CYP24A1: variants seen among roughly 807,000 people sequenced by gnomAD.
CYP24A1 encodes the protein 1,25-dihydroxyvitamin D(3) 24-hydroxylase, mitochondrial.
Under a neutral mutation model 62.4 loss-of-function variants are expected in CYP24A1, and 68 were observed. That is an observed-to-expected ratio of 1.09 (90% confidence interval 0.90 to 1.33). The LOEUF (loss-of-function observed/expected upper bound fraction) is 1.33. Among genes scored for constraint, CYP24A1 ranks in the 40% most tolerant of loss-of-function variants. The pLI is 0.00. For missense variants in CYP24A1, 787 were observed against 653.0 expected, an observed-to-expected ratio of 1.21 and a Z score of -2.24; for synonymous variants, 267 against 253.0, an observed-to-expected ratio of 1.06 and a Z score of -0.52.
At chr20:54,149,672 T>C (rs942870898), downstream of CYP24A1, among the ~76,000 whole-genome samples, 1 of 152,176 alleles carries the variant, frequency 6.6e-6, no homozygotes, top group African/African-American at 2.4e-5. Flanking sequence ...ACACAGGGGA[T>C]GGAGTGAGGT....
downstream of CYP24A1, among the ~76,000 whole-genome samples, chr20:54,150,087 G>A (rs750116968): frequency 6.6e-6 from 1 of 152,124 alleles, no homozygotes; most frequent in Non-Finnish European, 1.5e-5. Context: ...TAAGGTCATC[G>A]CTAAGGTCTG....
rs1159938315 is a variant in CYP24A1 at position 54,171,670 on chromosome 20, C to G, written c.450G>C (p.Leu150=). Residue 150 remains leucine (L), a splice_region_variant and synonymous_variant, in exon 3 of 12, where the codon CTG becomes CTC. Coordinates refer to ENST00000216862, the MANE Select transcript of CYP24A1 (RefSeq NM_000782.5). ...GGACCCGCTGCCAGTCTTCCCCTTC[C>G]CTGTGAGAGAAGCAGGAATACATTT... The part of the protein sequence containing the change: ...YRKEGYGLLI[L]EGEDWQRVRS... 9 of 1,613,642 alleles carry G rather than the reference C, an allele frequency of 5.6e-6. No individual in the cohort carries two copies. The highest frequency in any genetic ancestry group is 7.6e-6 in the Non-Finnish European group (9 of 1,179,870).
Position 54,157,372 on chromosome 20 carries a change from C to G in CYP24A1, c.1434+16G>C, listed in dbSNP as rs374100178. The G allele has an allele frequency of 4.2e-5, 65 of 1,540,324 alleles. No homozygotes were observed. The African/African-American group carries it at 7.8e-4, about 18-fold the overall frequency. Reference sequence around the variant, plus strand: ...ACAGCACAGAACATAATTGCAGAAACCGGTAAAGGTTTTACCCAACAAAGA... The same window carrying G: ...ACAGCACAGAACATAATTGCAGAAAGCGGTAAAGGTTTTACCCAACAAAGA... On this transcript the variant is annotated intron_variant, in intron 10 of 11. Transcript: ENST00000216862.
the CYP24A1 span, among the ~76,000 whole-genome samples, chr20:54,147,130 G>A: frequency 1.3e-5 from 2 of 152,154 alleles, no homozygotes; most frequent in Admixed American, 1.3e-4. Flanking sequence ...GTTTCAGTCC[G>A]AGCCTGCTTG....
chr20:54,156,028 A>G (rs1473184811), intron 11 of CYP24A1, among the ~76,000 whole-genome samples: 1 of 152,222 alleles, frequency 6.6e-6, no homozygotes, highest in Non-Finnish European at 1.5e-5. Context: ...AAAAGTATTG[A>G]ATGGCATACT....
intron 6 of CYP24A1, among the ~76,000 whole-genome samples, chr20:54,163,843 C>T (rs2092661465): frequency 6.6e-6 from 1 of 152,168 alleles, no homozygotes; most frequent in Non-Finnish European, 1.5e-5. Flanking sequence ...AGAGACAAGG[C>T]AACTGAGGAT....
the CYP24A1 span, among the ~76,000 whole-genome samples, chr20:54,147,243 G>A: frequency 3.9e-5 from 6 of 152,300 alleles, no homozygotes; most frequent in South Asian, 4.1e-4. Flanking sequence ...GTTGGGACAG[G>A]TTATAGAAAA....
At chr20:54,156,031 G>A (rs996182410) in intron 11 of CYP24A1, among the ~76,000 whole-genome samples, 1 of 152,096 alleles carries the variant, frequency 6.6e-6, no homozygotes, top group Non-Finnish European at 1.5e-5. Flanking sequence ...AGTATTGAAT[G>A]GCATACTGCA....
chr20:54,164,412 C>T (rs577760976), intron 6 of CYP24A1, 40 bp downstream of exon 6: 6 of 1,613,594 alleles, frequency 3.7e-6, no homozygotes, highest in Middle Eastern at 1.7e-4. Context: ...CACGGGGGTG[C>T]TGGGCTGGTT....
At chr20:54,152,390 C>G (rs565826058), downstream of CYP24A1, among the ~76,000 whole-genome samples, 2 of 152,210 alleles carry the variant, frequency 1.3e-5, no homozygotes, top group African/African-American at 4.8e-5. Flanking sequence ...CAAAACCACA[C>G]GCTTGTTTGG....
rs2092702593 is a variant in CYP24A1, at chr20:54,173,499, C to T, written c.81G>A (p.Leu27=). ...QLRSPRQPPR[L]VTSTAYTSPQ... ...GGGACGTGTACGCCGTAGATGTCAC[C>T]AGTCTCGGGGGCTGCCTCGGACTGC... The change falls in exon 1 of 12, where the codon CTG becomes CTA. Residue 27 remains leucine (L), a synonymous_variant. Coordinates refer to ENST00000216862, the MANE Select transcript of CYP24A1 (RefSeq NM_000782.5). This position sits in a 1 kb window ranked among gnomAD's most constrained non-coding sequence, Gnocchi z 7.2. 1.3e-6 allele frequency: 2 copies of T among 1,567,236 alleles called. No homozygotes were observed. The highest frequency in any genetic ancestry group is 1.2e-5 in the South Asian group (1 of 85,706).
intron 4 of CYP24A1, among the ~76,000 whole-genome samples, chr20:54,168,986 GT>G (rs370457050): frequency 3.2e-4 from 49 of 151,570 alleles, no homozygotes; most frequent in African/African-American, 1.2e-3. Flanking sequence ...TAGCTTCAGC[GT>G]CCCGGGGTCA....
rs142282494 is a variant in CYP24A1 at position 54,159,014 on chromosome 20, C to G, written c.1100G>C (p.Arg367Pro). 3.1e-6 allele frequency: 5 copies of G among 1,613,978 alleles called. No individual in the cohort carries two copies. The highest frequency in any genetic ancestry group is 3.4e-6 in the Non-Finnish European group (4 of 1,180,028). ...QSVLPENQVP[R>P]AEDLRNMPYL... ...CGGCATATTCCTCAAATCTTCTGCC[C>G]GTGGCACCTGATTCTCAGGTAATAC... Residue 367 changes from arginine (R) to proline (P), a missense_variant, in exon 8 of 12, where the codon CGG (arginine) becomes CCG (proline). Coordinates refer to ENST00000216862, the MANE Select transcript of CYP24A1 (RefSeq NM_000782.5).
downstream of CYP24A1, among the ~76,000 whole-genome samples, chr20:54,151,735 T>C (rs2092612745): frequency 6.6e-6 from 1 of 152,062 alleles, no homozygotes; most frequent in Admixed American, 6.6e-5. Flanking sequence ...GCTAATTTTT[T>C]GTATTTTTAG....
chr20:54,157,963 C>T (rs2092635571), intron 9 of CYP24A1, 123 bp downstream of exon 9: 1 of 1,500,034 alleles, frequency 6.7e-7, no homozygotes, highest in Non-Finnish European at 9.0e-7. Flanking sequence ...CAACTATTCT[C>T]TACCATCTCT....
rs749949677 is a variant in CYP24A1, at chr20:54,169,661, C to A, written c.571G>T (p.Asp191Tyr). ...TGGCCTCTTTCATCACAGAGCTCAT[C>A]TATTCTGCCCATAAAATCGGCCAAG... ...EVLADFMGRIDELCDERGHVE... is the reference protein window; with the variant it reads ...EVLADFMGRIYELCDERGHVE... Residue 191 changes from aspartate (D) to tyrosine (Y), a missense_variant, in exon 4 of 12, where the codon GAT (aspartate) becomes TAT (tyrosine). Coordinates refer to ENST00000216862, the MANE Select transcript of CYP24A1 (RefSeq NM_000782.5). The A allele has an allele frequency of 9.3e-6, 15 of 1,614,080 alleles. No homozygotes were observed. The East Asian group carries it at 1.3e-4, about 14-fold the overall frequency.
chr20:54,172,770 G>A (rs914579289), intron 2 of CYP24A1, 139 bp downstream of exon 2: 2 of 1,530,612 alleles, frequency 1.3e-6, no homozygotes, highest in South Asian at 1.2e-5. Context: ...GCGATGGCAC[G>A]GGAGAGGGGC....
intron 11 of CYP24A1, among the ~76,000 whole-genome samples, chr20:54,156,450 T>C (rs956658880): frequency 6.6e-6 from 1 of 152,150 alleles, no homozygotes; most frequent in Non-Finnish European, 1.5e-5. Flanking sequence ...ATGGGAAATC[T>C]CTCAAAGTTG....
chr20:54,157,924 G>T (rs1283847720), intron 9 of CYP24A1, among the ~76,000 whole-genome samples, 162 bp downstream of exon 9: 3 of 152,196 alleles, frequency 2.0e-5, no homozygotes, highest in Non-Finnish European at 2.9e-5. Flanking sequence ...CCATAGCCGT[G>T]AATTCTAATT....
Sources: allele counts gnomAD v4.1 joint callset (sites outside exome capture counted in the v4.1 genomes callset), GRCh38; gene constraint gnomAD v4.1.1; non-coding constraint Gnocchi (gnomAD v3.1); transcripts MANE v1.5; gene names NCBI Gene and HGNC (gene_info 2026-07-23, HGNC 2026-07-21).